The following DOK6 variants were observed in gnomAD, a reference collection of about 807,000 sequenced individuals.
DOK6 encodes the protein docking protein 6.
DOK6 carries 22 observed loss-of-function variants against 44.0 expected under a neutral mutation model. The observed-to-expected ratio is 0.50, with a 90% CI of 0.36 to 0.71. DOK6 has a LOEUF of 0.71. Ranked by LOEUF, DOK6 falls within the 30% of genes least tolerant of loss-of-function variation. The pLI, the probability that DOK6 is intolerant of heterozygous loss-of-function variation, is 0.00. For missense variants in DOK6, 340 were observed against 416.4 expected (o/e 0.82, Z 1.60); for synonymous variants, 166 against 145.5 (o/e 1.14, Z -1.01).
At chr18:69,705,107 T>C (rs1933357079) in intron 5 of DOK6, 1 of 152,204 alleles carries the variant, frequency 6.6e-6, no homozygotes, top group Admixed American at 6.5e-5. Flanking sequence ...AGGATTTTCC[T>C]TTATCATTAT....
intron 6 of DOK6, among the ~76,000 whole-genome samples, chr18:69,757,538 T>C (rs1159613675): frequency 6.6e-6 from 1 of 152,240 alleles, no homozygotes; most frequent in Non-Finnish European, 1.5e-5. Context: ...ACCATCTTAA[T>C]GTTCTCTTCT....
At chr18:69,654,236 T>G (rs951431933) in intron 3 of DOK6, among the ~76,000 whole-genome samples, 1 of 152,190 alleles carries the variant, frequency 6.6e-6, no homozygotes, top group Non-Finnish European at 1.5e-5. Flanking sequence ...TACTTGTAAT[T>G]GGAGTTGCAG....
chr18:69,664,528 G>GA (rs1985607994), intron 3 of DOK6, among the ~76,000 whole-genome samples: 1 of 151,850 alleles, frequency 6.6e-6, no homozygotes, highest in Non-Finnish European at 1.5e-5. Flanking sequence ...AGACTAGAAG[G>GA]AAAAAAATAA....
At chr18:69,712,911 A>G (rs1568341561) in intron 5 of DOK6, among the ~76,000 whole-genome samples, 1 of 152,230 alleles carries the variant, frequency 6.6e-6, no homozygotes, top group African/African-American at 2.4e-5. Context: ...GAAGTGCTAA[A>G]TATAAAATTA....
chr18:69,846,609 G>A lies in DOK6; in HGVS notation c.*5226G>A, dbSNP rs1253860887. 3 of 152,122 alleles carry A rather than the reference G, an allele frequency of 2.0e-5. No individual in the cohort carries two copies. The highest frequency in any genetic ancestry group is 4.4e-5 in the Non-Finnish European group (3 of 68,010). The allele number at this position is 152,122 out of a possible 1,614,324, so 9.4% of individuals were successfully genotyped here. On this transcript the variant is annotated 3_prime_UTR_variant, in exon 8 of 8. Transcript: ENST00000382713. Reference sequence around the variant, plus strand: ...CTCATATATTGTCATCCAGTTCTTTGAAATTCAATCTTATCCTAAAGTGGT... The same window carrying A: ...CTCATATATTGTCATCCAGTTCTTTAAAATTCAATCTTATCCTAAAGTGGT...
At chr18:69,401,363 G>A in intron 1 of DOK6, 53 bp downstream of exon 1, 3 of 1,408,852 alleles carry the variant, frequency 2.1e-6, no homozygotes, top group Admixed American at 2.5e-5. Context: ...GGCCCGGCTG[G>A]CTGCCTGGGG....
chr18:69,429,196 C>A (rs1599126651), intron 1 of DOK6, among the ~76,000 whole-genome samples: 1 of 151,904 alleles, frequency 6.6e-6, no homozygotes, highest in African/African-American at 2.4e-5. Flanking sequence ...TCAGTTTACC[C>A]CTGTGACTCT....
chr18:69,527,444 T>C (rs1981861789), intron 1 of DOK6, among the ~76,000 whole-genome samples: 2 of 152,170 alleles, frequency 1.3e-5, no homozygotes, highest in African/African-American at 4.8e-5. Context: ...GAAAAGCCTC[T>C]TCTAAAACCA....
chr18:69,400,897 C>G lies in DOK6; in HGVS notation c.-348C>G, dbSNP rs868630298. Among the ~76,000 whole-genome samples the G allele has an allele frequency of 0.016, 2,305 of 147,878 alleles. 74 individuals are homozygous for G. Among genetic ancestry groups the G allele is most frequent in the African/African-American group, 0.053 (2,192 of 41,122 alleles). ...TGCGCTCCGGCCAGCTGTGCGCCGCCGAGCGAGGCGCCAGCCCGTGGGTGC... is the reference window on the plus strand; with the variant it reads ...TGCGCTCCGGCCAGCTGTGCGCCGCGGAGCGAGGCGCCAGCCCGTGGGTGC... On this transcript the variant is annotated 5_prime_UTR_variant, in exon 1 of 8. Coordinates refer to ENST00000382713, the MANE Select transcript of DOK6 (RefSeq NM_152721.6).
chr18:69,828,882 G>GTATATATATATA (rs1475499795), intron 7 of DOK6, among the ~76,000 whole-genome samples: 616 of 25,148 alleles, frequency 0.024, 27 homozygotes, highest in African/African-American at 0.038. Context: ...ATACATTTAT[G>GTATATATATATA]TGTATATATA....
intron 1 of DOK6, among the ~76,000 whole-genome samples, chr18:69,524,981 T>TAAAA (rs35522322): frequency 5.3e-4 from 80 of 151,250 alleles, no homozygotes; most frequent in African/African-American, 1.9e-3. Context: ...AGATTTTCAG[T>TAAAA]AAAAAAACAT....
intron 2 of DOK6, among the ~76,000 whole-genome samples, chr18:69,582,633 T>C (rs1266068141): frequency 6.6e-6 from 1 of 152,228 alleles, no homozygotes; most frequent in Non-Finnish European, 1.5e-5. Context: ...TTCTATAATA[T>C]TTGATTAATC....
intron 7 of DOK6, among the ~76,000 whole-genome samples, chr18:69,824,719 G>T (rs1451292098): frequency 2.0e-5 from 3 of 152,150 alleles, no homozygotes; most frequent in Non-Finnish European, 2.9e-5. Flanking sequence ...TCACTGTCAT[G>T]ACCCCTTGTG....
intron 7 of DOK6, among the ~76,000 whole-genome samples, chr18:69,779,246 C>T (rs1255916062): frequency 6.6e-6 from 1 of 152,034 alleles, no homozygotes; most frequent in Admixed American, 6.6e-5. Context: ...CCTTTTATAC[C>T]ATTGCTTTCA....
intron 1 of DOK6, among the ~76,000 whole-genome samples, chr18:69,520,713 A>G (rs1981661189): frequency 1.3e-5 from 2 of 151,938 alleles, no homozygotes; most frequent in Admixed American, 1.3e-4. Context: ...AAAATAGCTC[A>G]TTGTGTACAG....
At chr18:69,606,731 T>C (rs562344529) in intron 3 of DOK6, among the ~76,000 whole-genome samples, 3 of 150,116 alleles carry the variant, frequency 2.0e-5, no homozygotes, top group East Asian at 2.0e-4. Context: ...CATTTATTTA[T>C]ACTGATAACA....
intron 2 of DOK6, among the ~76,000 whole-genome samples, chr18:69,577,555 C>T (rs1983266911): frequency 6.6e-6 from 1 of 152,126 alleles, no homozygotes; most frequent in South Asian, 2.1e-4. Flanking sequence ...GATTGATTTA[C>T]TTATATTACC....
chr18:69,407,227 C>T (rs969911281), intron 1 of DOK6, among the ~76,000 whole-genome samples: 4 of 152,188 alleles, frequency 2.6e-5, no homozygotes, highest in African/African-American at 7.2e-5. Flanking sequence ...TATCTTTGGA[C>T]TGTTTCTATT....
intron 2 of DOK6, among the ~76,000 whole-genome samples, chr18:69,568,470 C>G (rs1983038441): frequency 6.6e-6 from 1 of 152,188 alleles, no homozygotes; most frequent in Non-Finnish European, 1.5e-5. Context: ...AAAGTCAGAT[C>G]TGGAATCAAG....
Sources: gnomAD v4.1 joint callset for allele counts (sites outside exome capture counted in the v4.1 genomes callset) on GRCh38, gnomAD v4.1.1 for gene constraint, MANE v1.5 for transcripts, NCBI Gene and HGNC (gene_info 2026-07-23, HGNC 2026-07-21) for gene names.